ASCC3: variants seen among roughly 807,000 people sequenced by gnomAD.
The protein encoded by ASCC3 is activating signal cointegrator 1 complex subunit 3.
In ASCC3, 158 loss-of-function variants were observed where a neutral mutation model predicts 256.3. The observed-to-expected ratio is 0.62, with a 90% CI of 0.54 to 0.70. The LOEUF (loss-of-function observed/expected upper bound fraction) is 0.70, where lower values mean the gene tolerates loss of function less well. Ranked by LOEUF, ASCC3 falls within the 30% of genes least tolerant of loss-of-function variation. The pLI, the probability that ASCC3 is intolerant of heterozygous loss-of-function variation, is 0.00. For missense variants in ASCC3, 2,259 were observed against 2,626.0 expected (o/e 0.86, Z 3.05); for synonymous variants, 948 against 883.4 (o/e 1.07, Z -1.30).
intron 37 of ASCC3, among the ~76,000 whole-genome samples, chr6:100,531,806 C>T (rs1231376845): frequency 6.6e-6 from 1 of 152,056 alleles, no homozygotes; most frequent in Non-Finnish European, 1.5e-5. Flanking sequence ...AAAATGCCCG[C>T]ATAATGTAAG....
In ASCC3 at chr6:100,725,430, C is replaced by G. The variant is rs184574223; in HGVS notation, c.1902+109G>C. The G allele has an allele frequency of 1.8e-5, 21 of 1,186,042 alleles. No individual in the cohort carries two copies. The East Asian group carries it at 4.7e-4, about 27-fold the overall frequency. 73.5% of individuals were successfully genotyped at this position (1,186,042 alleles called of 1,614,324 possible). A position where few individuals can be genotyped will look rare whatever the true frequency, so the allele number is the denominator to read the frequency against. On this transcript the variant is annotated intron_variant, in intron 11 of 41. Coordinates refer to ENST00000369162, the MANE Select transcript of ASCC3 (RefSeq NM_006828.4). ...CCTTTTAAAAATATGAAGATTATGTCAATATTAGATTTAGCTTTGTAACAC... is the reference window on the plus strand; with the variant it reads ...CCTTTTAAAAATATGAAGATTATGTGAATATTAGATTTAGCTTTGTAACAC...
intron 39 of ASCC3, among the ~76,000 whole-genome samples, chr6:100,515,603 C>T (rs561740490): frequency 6.6e-6 from 1 of 152,242 alleles, no homozygotes; most frequent in South Asian, 2.1e-4. Flanking sequence ...TTGTTTTCTG[C>T]AATACAGATT....
At chr6:100,525,770 T>C (rs1256017665) in intron 37 of ASCC3, among the ~76,000 whole-genome samples, 2 of 152,192 alleles carry the variant, frequency 1.3e-5, no homozygotes, top group Non-Finnish European at 2.9e-5. Context: ...GGGAACTTTG[T>C]ACTATCTTTG....
chr6:100,760,814 CA>C (rs1781388424), intron 10 of ASCC3, among the ~76,000 whole-genome samples: 1 of 152,088 alleles, frequency 6.6e-6, no homozygotes, highest in African/African-American at 2.4e-5. Flanking sequence ...GAAAATAAAA[CA>C]AAACAAAATA....
chr6:100,739,981 GTTT>G (rs1288940364), intron 10 of ASCC3, among the ~76,000 whole-genome samples: 2 of 151,936 alleles, frequency 1.3e-5, no homozygotes, highest in Non-Finnish European at 2.9e-5. Flanking sequence ...TAGCTTTGGG[GTTT>G]GTTTGCTTTT....
At chr6:100,749,603 G>A (rs1338068479) in intron 10 of ASCC3, among the ~76,000 whole-genome samples, 2 of 151,764 alleles carry the variant, frequency 1.3e-5, no homozygotes, top group Non-Finnish European at 2.9e-5. Flanking sequence ...ATGACCTTTA[G>A]GATTCAAAAT....
chr6:100,662,205 G>A (rs1554210412), intron 15 of ASCC3, 140 bp downstream of exon 15: 2 of 1,125,090 alleles, frequency 1.8e-6, no homozygotes, highest in South Asian at 1.6e-5. Context: ...TCTTATTGGA[G>A]AAAATAATTC....
chr6:100,626,026 A>G (rs1774215519), intron 29 of ASCC3, among the ~76,000 whole-genome samples: 1 of 152,064 alleles, frequency 6.6e-6, no homozygotes, highest in Non-Finnish European at 1.5e-5. Flanking sequence ...AAAGAAGATG[A>G]GATGACTCTG....
chr6:100,783,935 T>C (rs549658611), intron 8 of ASCC3, among the ~76,000 whole-genome samples: 1 of 152,274 alleles, frequency 6.6e-6, no homozygotes, highest in East Asian at 1.9e-4. Flanking sequence ...TAGGTCTTTT[T>C]ATCGTCCTTC....
intron 13 of ASCC3, among the ~76,000 whole-genome samples, chr6:100,684,771 G>T (rs1039425928): frequency 6.7e-6 from 1 of 149,774 alleles, no homozygotes; most frequent in African/African-American, 2.4e-5. Flanking sequence ...AAATCGGTAG[G>T]AATATTTAAT....
At chr6:100,737,218 C>T (rs1317488177) in intron 10 of ASCC3, among the ~76,000 whole-genome samples, 1 of 79,876 alleles carries the variant, frequency 1.3e-5, no homozygotes, top group East Asian at 3.9e-4. Flanking sequence ...ATTCTATGAT[C>T]AGGACTCAAA....
intron 36 of ASCC3, among the ~76,000 whole-genome samples, chr6:100,583,133 A>G (rs1771408027): frequency 6.6e-6 from 1 of 152,054 alleles, no homozygotes; most frequent in Non-Finnish European, 1.5e-5. Context: ...CTCTTTTTCT[A>G]TTGATTGGAA....
chr6:100,556,978 CTG>C (rs1480147436), intron 36 of ASCC3, among the ~76,000 whole-genome samples: 1 of 152,084 alleles, frequency 6.6e-6, no homozygotes, highest in African/African-American at 2.4e-5. Flanking sequence ...GTATTAAAGA[CTG>C]TGAATGCAGC....
At chr6:100,748,791 T>C (rs1019186475) in intron 10 of ASCC3, among the ~76,000 whole-genome samples, 5 of 152,088 alleles carry the variant, frequency 3.3e-5, no homozygotes, top group Non-Finnish European at 7.4e-5. Flanking sequence ...CATTCAGTTG[T>C]GCTTTCATGA....
At chr6:100,858,850 A>G (rs1254486537) in intron 3 of ASCC3, 2 of 505,798 alleles carry the variant, frequency 4.0e-6, no homozygotes, top group Non-Finnish European at 6.5e-6. Flanking sequence ...AACGGCCCCA[A>G]AAATACGTAA....
At chr6:100,662,572 A>G in intron 14 of ASCC3, 36 bp from the exon 15 acceptor site, 1 of 1,595,432 alleles carries the variant, frequency 6.3e-7, no homozygotes. Context: ...ATTATTTAGC[A>G]TTTAAAAGCA....
intron 4 of ASCC3, among the ~76,000 whole-genome samples, chr6:100,821,926 A>G (rs936342601): frequency 2.0e-5 from 3 of 152,232 alleles, no homozygotes; most frequent in African/African-American, 7.2e-5. Flanking sequence ...AGACCATATT[A>G]GATGATTCCA....
intron 13 of ASCC3, 39 bp downstream of exon 13, chr6:100,715,423 G>C (rs1489691696): frequency 6.5e-7 from 1 of 1,534,838 alleles, no homozygotes; most frequent in East Asian, 2.3e-5. Flanking sequence ...CTCTCTAAAA[G>C]CAGATAAATA....
At chr6:100,609,708 C>G (rs1218820900) in intron 30 of ASCC3, among the ~76,000 whole-genome samples, 1 of 151,984 alleles carries the variant, frequency 6.6e-6, no homozygotes, top group African/African-American at 2.4e-5. Flanking sequence ...GTCAGGAAAT[C>G]GAGACTAGCC....
Sources: allele counts gnomAD v4.1 joint callset (sites outside exome capture counted in the v4.1 genomes callset), GRCh38; gene constraint gnomAD v4.1.1; transcripts MANE v1.5; gene names NCBI Gene and HGNC (gene_info 2026-07-23, HGNC 2026-07-21).